DOCK10: variants seen among roughly 807,000 people sequenced by gnomAD.
DOCK10 encodes dedicator of cytokinesis 10.
A neutral mutation model predicts 280.1 loss-of-function variants in DOCK10; 145 were observed. That is an observed-to-expected ratio of 0.52 (90% CI 0.45 to 0.59). The LOEUF is 0.59. DOCK10 is among the 20% of genes least tolerant of loss of function. The pLI is 0.00. For missense variants in DOCK10, 2,368 were observed against 2,651.7 expected (o/e 0.89, Z 2.35); for synonymous variants, 915 against 942.2 (o/e 0.97, Z 0.53).
intron 1 of DOCK10, among the ~76,000 whole-genome samples, chr2:224,969,554 C>A (rs1559892219): frequency 6.6e-6 from 1 of 152,186 alleles, no homozygotes; most frequent in Admixed American, 6.5e-5. Context: ...AAAACAAAAG[C>A]CTCCGATGCC....
At chr2:224,942,794 G>C (rs759026664) in intron 1 of DOCK10, among the ~76,000 whole-genome samples, 4 of 152,248 alleles carry the variant, frequency 2.6e-5, no homozygotes, top group Non-Finnish European at 5.9e-5. Flanking sequence ...TTAAAGATAA[G>C]AGGATGAATT....
At chr2:224,982,050 A>G (rs1479170769) in intron 1 of DOCK10, among the ~76,000 whole-genome samples, 4 of 152,248 alleles carry the variant, frequency 2.6e-5, no homozygotes, top group Non-Finnish European at 5.9e-5. Context: ...GAATGATAGA[A>G]ATAGTTCCGA....
At position 225,042,369 on chromosome 2, in the gene DOCK10, G is replaced by C. The variant is rs1422161998; in HGVS notation, c.6C>G (p.Ala2=). M[A]GERTRRFTRS... is the part of the protein sequence containing the mutation. ...GGGTGAACCTGCGGGTCCGCTCACC[G>C]GCCATCGCCGGTCACGCCAATCGCG... Residue 2 remains alanine (A), a synonymous_variant, in exon 1 of 56, where the codon GCC becomes GCG. Transcript: ENST00000258390. This position sits in a 1 kb window ranked among gnomAD's most constrained non-coding sequence, Gnocchi z 5.1. 1 of 1,260,872 alleles carries C rather than the reference G, an allele frequency of 7.9e-7. No homozygotes were observed. Among genetic ancestry groups the C allele is most frequent in the Non-Finnish European group, 1.0e-6 (1 of 1,002,216 alleles). 78.1% of individuals were successfully genotyped at this position (1,260,872 alleles called of 1,614,324 possible).
intron 1 of DOCK10, among the ~76,000 whole-genome samples, chr2:224,984,843 T>A (rs1055781839): frequency 1.4e-5 from 2 of 144,570 alleles, no homozygotes; most frequent in South Asian, 4.4e-4. Flanking sequence ...CAGGAAACTT[T>A]TTTTTTTTTT....
intron 3 of DOCK10, among the ~76,000 whole-genome samples, chr2:224,916,089 G>C (rs1239619973): frequency 6.6e-6 from 1 of 152,226 alleles, no homozygotes; most frequent in Non-Finnish European, 1.5e-5. Flanking sequence ...CCCTAGCTCT[G>C]AGTTCACATG....
At chr2:224,848,038 G>A (rs748895957) in intron 19 of DOCK10, among the ~76,000 whole-genome samples, 5 of 152,178 alleles carry the variant, frequency 3.3e-5, no homozygotes, top group East Asian at 3.8e-4. Context: ...TACAGAAGCC[G>A]AGGTCAGAGT....
chr2:224,965,963 A>C (rs1186880786), intron 1 of DOCK10, among the ~76,000 whole-genome samples: 1 of 152,242 alleles, frequency 6.6e-6, no homozygotes, highest in Non-Finnish European at 1.5e-5. Flanking sequence ...GCCATGTTTA[A>C]GTTCTGGGAG....
intron 51 of DOCK10, among the ~76,000 whole-genome samples, chr2:224,776,703 GCTGCATCTT>G (rs1345549553): frequency 6.6e-6 from 1 of 151,518 alleles, no homozygotes; most frequent in Non-Finnish European, 1.5e-5. Context: ...ACCTTTTCCA[GCTGCATCTT>G]CTGCCACACT....
chr2:224,783,810 G>C (rs1311404846), intron 50 of DOCK10, among the ~76,000 whole-genome samples: 1 of 151,598 alleles, frequency 6.6e-6, no homozygotes, highest in Non-Finnish European at 1.5e-5. Flanking sequence ...AATGAACATA[G>C]AAAATGCTGG....
At chr2:224,988,868 T>C (rs1009061256) in intron 1 of DOCK10, among the ~76,000 whole-genome samples, 1 of 152,210 alleles carries the variant, frequency 6.6e-6, no homozygotes, top group African/African-American at 2.4e-5. Context: ...CTGCCTAAAT[T>C]GGCTGTCAAA....
chr2:225,014,081 A>ATATATATATATATATTTTTTT (rs776104946), intron 1 of DOCK10, among the ~76,000 whole-genome samples: 3 of 96,798 alleles, frequency 3.1e-5, no homozygotes, highest in African/African-American at 1.4e-4. Context: ...GTCTGAATAT[A>ATATATATATATATATTTTTTT]TTGTTTTTTT....
rs1313099572 is a variant in DOCK10 at position 224,886,109 on chromosome 2, T to C, written c.566A>G (p.Tyr189Cys). The change falls in exon 6 of 56, where the codon TAC becomes TGC. Residue 189 changes from tyrosine (Y) to cysteine (C), a missense_variant. Around this residue, in one of 2 missense-constraint regions of DOCK10, gnomAD observed 1,209 missense variants for 1,250.9 expected, o/e 0.97. Coordinates refer to ENST00000258390, the MANE Select transcript of DOCK10 (RefSeq NM_014689.3). ...GTGVFKSGWL[Y>C]KGNFNSTVNN... ...CACGGTGCTGTTAAAATTCCCCTTGTAGAGCCAGCCGGACTTGAAAACACC... is the reference window on the plus strand; with the variant it reads ...CACGGTGCTGTTAAAATTCCCCTTGCAGAGCCAGCCGGACTTGAAAACACC... 2.5e-6 allele frequency: 4 copies of C among 1,613,744 alleles called. No individual in the cohort carries two copies. Among genetic ancestry groups the C allele is most frequent in the African/African-American group, 1.3e-5 (1 of 74,866 alleles).
intron 1 of DOCK10, among the ~76,000 whole-genome samples, chr2:224,956,385 G>T (rs928710587): frequency 5.3e-5 from 8 of 152,140 alleles, no homozygotes; most frequent in Non-Finnish European, 1.0e-4. Flanking sequence ...AACTTTGGGA[G>T]GCCAAAGGTG....
At chr2:224,917,517 G>A (rs544862661) in intron 2 of DOCK10, among the ~76,000 whole-genome samples, 15 of 151,994 alleles carry the variant, frequency 9.9e-5, no homozygotes, top group East Asian at 3.9e-4. Flanking sequence ...CTAACTGTGC[G>A]TGTGTGCGTG....
At chr2:224,858,387 G>A (rs1166305574) in intron 14 of DOCK10, among the ~76,000 whole-genome samples, 7 of 151,916 alleles carry the variant, frequency 4.6e-5, no homozygotes, top group Admixed American at 1.3e-4. Context: ...GGCTGGGCGC[G>A]GTGGCTCACG....
chr2:225,028,680 A>G (rs1689988976), intron 1 of DOCK10, among the ~76,000 whole-genome samples: 1 of 152,236 alleles, frequency 6.6e-6, no homozygotes, highest in South Asian at 2.1e-4. Flanking sequence ...GAGACAGCAC[A>G]TGCAGTAATT....
intron 1 of DOCK10, among the ~76,000 whole-genome samples, chr2:224,940,575 T>C (rs527263867): frequency 6.6e-6 from 1 of 152,150 alleles, no homozygotes; most frequent in Non-Finnish European, 1.5e-5. Flanking sequence ...ACACCAGGTA[T>C]CAAGCATCCT....
intron 1 of DOCK10, among the ~76,000 whole-genome samples, chr2:224,949,392 A>G (rs1703605746): frequency 6.6e-6 from 1 of 152,222 alleles, no homozygotes; most frequent in African/African-American, 2.4e-5. Flanking sequence ...GAAATCCAAG[A>G]CCAATAAATC....
intron 3 of DOCK10, among the ~76,000 whole-genome samples, chr2:224,906,123 A>G (rs1471554792): frequency 6.6e-6 from 1 of 152,176 alleles, no homozygotes; most frequent in East Asian, 1.9e-4. Flanking sequence ...TAATAGCCCA[A>G]GCCATAATTA....
Sources: allele counts gnomAD v4.1 joint callset (sites outside exome capture counted in the v4.1 genomes callset), GRCh38; gene constraint gnomAD v4.1.1; regional missense constraint gnomAD v4.1.1; non-coding constraint Gnocchi (gnomAD v3.1); transcripts MANE v1.5; gene names NCBI Gene and HGNC (gene_info 2026-07-23, HGNC 2026-07-21).